Variants in DLG2 observed in about 807,000 individuals in gnomAD.
The protein encoded by DLG2 is discs large MAGUK scaffold protein 2, also known as disks large homolog 2.
DLG2 carries 45 observed loss-of-function variants against 132.5 expected under a neutral mutation model. The ratio of observed to expected loss-of-function variants is 0.34; its 90% confidence interval spans 0.27 to 0.44. The LOEUF (loss-of-function observed/expected upper bound fraction) is 0.44, where lower values mean the gene tolerates loss of function less well. Ranked by LOEUF, DLG2 falls within the 20% of genes least tolerant of loss-of-function variation. The pLI, the probability that DLG2 is intolerant of heterozygous loss-of-function variation, is 1.00. For missense variants in DLG2, 1,045 were observed against 1,196.9 expected (o/e 0.87, Z 1.87); for synonymous variants, 424 against 419.6 (o/e 1.01, Z -0.13).
In DLG2 at chr11:85,425,997, G is replaced by A. The variant is rs182505125; in HGVS notation, c.41-140632C>T. Among the ~76,000 whole-genome samples, 450 of 152,292 alleles carry A rather than the reference G, an allele frequency of 3.0e-3. 3 individuals carry two copies. The highest frequency in any genetic ancestry group is 1.9e-3 in the Non-Finnish European group (129 of 68,024). On this transcript the variant is annotated intron_variant, in intron 3 of 27. Transcript: ENST00000376104. Reference sequence around the variant, plus strand: ...AGCATACCAGAAGATTACATCCTGCGCCTGATTCGGAGGGTCCTACCCCCA... The same window carrying A: ...AGCATACCAGAAGATTACATCCTGCACCTGATTCGGAGGGTCCTACCCCCA...
At chr11:83,990,537 G>A (rs1162846062) in intron 11 of DLG2, among the ~76,000 whole-genome samples, 1 of 152,136 alleles carries the variant, frequency 6.6e-6, no homozygotes, top group Non-Finnish European at 1.5e-5. Flanking sequence ...GTCAGTGAGA[G>A]GTGGGGCCTG....
In DLG2 at chr11:85,421,880, G is replaced by A. The variant is rs1044893633; in HGVS notation, c.41-136515C>T. 1.1e-4 allele frequency among the ~76,000 whole-genome samples: 17 copies of A among 152,046 alleles called. 1 individual carries two copies. Among genetic ancestry groups the A allele is most frequent in the Admixed American group, 2.0e-4 (3 of 15,252 alleles). Reference sequence around the variant, plus strand: ...TTAGCAGTTTTTGCAGTGGTGGGTCGGTAGTGGCAAATTCTCTCAGCATTT... The same window carrying A: ...TTAGCAGTTTTTGCAGTGGTGGGTCAGTAGTGGCAAATTCTCTCAGCATTT... On this transcript the variant is annotated intron_variant, in intron 3 of 27. Transcript: ENST00000376104.
At chr11:84,887,824 G>C (rs990601656) in intron 6 of DLG2, among the ~76,000 whole-genome samples, 1 of 121,530 alleles carries the variant, frequency 8.2e-6, no homozygotes, top group Non-Finnish European at 1.7e-5. Flanking sequence ...AGAGACTATC[G>C]ATTCCCTGAG....
intron 6 of DLG2, among the ~76,000 whole-genome samples, chr11:84,854,461 T>A (rs1230852003): frequency 6.6e-6 from 1 of 151,952 alleles, no homozygotes; most frequent in Non-Finnish European, 1.5e-5. Flanking sequence ...CCACTACCAA[T>A]CATACTACTT....
At chr11:85,164,442 C>T (rs1045966772) in intron 4 of DLG2, among the ~76,000 whole-genome samples, 1 of 152,176 alleles carries the variant, frequency 6.6e-6, no homozygotes, top group Non-Finnish European at 1.5e-5. Context: ...CACTCAGTCT[C>T]AATATCATGA....
At chr11:84,891,076 C>T (rs142326295) in intron 6 of DLG2, 104 of 152,254 alleles carry the variant, frequency 6.8e-4, no homozygotes, top group African/African-American at 2.3e-3. Flanking sequence ...GCTCCAAATT[C>T]CAAATAATGT....
intron 10 of DLG2, among the ~76,000 whole-genome samples, chr11:84,072,126 G>C (rs1342321575): frequency 6.6e-6 from 1 of 152,212 alleles, no homozygotes; most frequent in Non-Finnish European, 1.5e-5. Context: ...ATGAGCTACT[G>C]GTAGCACTGA....
chr11:84,193,800 G>A (rs894509528), intron 8 of DLG2, among the ~76,000 whole-genome samples: 1 of 152,158 alleles, frequency 6.6e-6, no homozygotes, highest in African/African-American at 2.4e-5. Flanking sequence ...TTGTTACACT[G>A]TGTCCCTACT....
At chr11:85,005,142 G>C (rs577220885) in intron 6 of DLG2, among the ~76,000 whole-genome samples, 2 of 152,278 alleles carry the variant, frequency 1.3e-5, no homozygotes, top group African/African-American at 2.4e-5. Context: ...TTGTAGTATA[G>C]TTTGAAGTCA....
intron 6 of DLG2, among the ~76,000 whole-genome samples, chr11:85,071,384 G>C (rs2065841108): frequency 2.0e-5 from 3 of 151,778 alleles, no homozygotes; most frequent in Admixed American, 6.6e-5. Context: ...AGCAGATTTG[G>C]CTGTGAATTA....
At chr11:85,113,365 T>A (rs988696511) in intron 5 of DLG2, among the ~76,000 whole-genome samples, 1 of 152,060 alleles carries the variant, frequency 6.6e-6, no homozygotes, top group African/African-American at 2.4e-5. Flanking sequence ...TCACAAAATA[T>A]GACGGGTGCA....
At chr11:83,541,545 G>A in intron 20 of DLG2, 137 bp downstream of exon 20, 1 of 822,058 alleles carries the variant, frequency 1.2e-6, no homozygotes, top group Non-Finnish European at 1.8e-6. Context: ...TGTCACCACT[G>A]ACAATTTTCC....
chr11:84,124,416 C>T (rs1359984231), intron 9 of DLG2, among the ~76,000 whole-genome samples: 2 of 152,220 alleles, frequency 1.3e-5, no homozygotes, highest in African/African-American at 2.4e-5. Flanking sequence ...CTCATTCTCA[C>T]GCTTCTATCA....
chr11:84,855,962 C>T (rs2082733702), intron 6 of DLG2, among the ~76,000 whole-genome samples: 2 of 151,978 alleles, frequency 1.3e-5, no homozygotes, highest in Admixed American at 6.6e-5. Flanking sequence ...TCAGGTCACC[C>T]CCTTCCCAGA....
intron 11 of DLG2, among the ~76,000 whole-genome samples, chr11:83,988,590 G>T (rs897607061): frequency 6.6e-6 from 1 of 152,140 alleles, no homozygotes; most frequent in Non-Finnish European, 1.5e-5. Flanking sequence ...ATTTCCTTGA[G>T]CAATGGTTTG....
intron 11 of DLG2, among the ~76,000 whole-genome samples, chr11:84,014,139 A>G (rs558929894): frequency 6.6e-6 from 1 of 151,820 alleles, no homozygotes; most frequent in Non-Finnish European, 1.5e-5. Flanking sequence ...CTTGTTAATT[A>G]TGTCAGCTGC....
intron 7 of DLG2, among the ~76,000 whole-genome samples, chr11:84,266,487 A>C (rs1396523272): frequency 6.6e-6 from 1 of 152,200 alleles, no homozygotes; most frequent in Non-Finnish European, 1.5e-5. Flanking sequence ...CATATTCTTC[A>C]GAAGGAAATG....
chr11:85,499,461 C>A (rs2093744365), intron 3 of DLG2, among the ~76,000 whole-genome samples: 2 of 152,098 alleles, frequency 1.3e-5, no homozygotes, highest in Admixed American at 6.5e-5. Context: ...TAATAGCCTA[C>A]CAACCAAAAA....
chr11:85,572,048 G>T (rs2077873064), intron 3 of DLG2, among the ~76,000 whole-genome samples: 1 of 152,142 alleles, frequency 6.6e-6, no homozygotes, highest in Non-Finnish European at 1.5e-5. Flanking sequence ...TCCTTACAGA[G>T]ATTCAGCTTC....
Sources: gnomAD v4.1 joint callset for allele counts (sites outside exome capture counted in the v4.1 genomes callset) on GRCh38, gnomAD v4.1.1 for gene constraint, MANE v1.5 for transcripts, NCBI Gene and HGNC (gene_info 2026-07-23, HGNC 2026-07-21) for gene names.